Variants in SLC12A2 observed in about 807,000 individuals in gnomAD.
The protein encoded by SLC12A2 is solute carrier family 12 member 2.
SLC12A2 carries 67 observed loss-of-function variants against 136.3 expected under a neutral mutation model. That is an observed-to-expected ratio of 0.49 (90% CI 0.40 to 0.60). SLC12A2 has a LOEUF of 0.60. Among genes scored for constraint, SLC12A2 ranks in the 20% least tolerant of loss-of-function variants. The probability of loss-of-function intolerance (pLI) is 0.00; values close to 1 mark genes in which losing one functional copy is unlikely to be tolerated. For missense variants in SLC12A2, 1,322 were observed against 1,534.7 expected (o/e 0.86, Z 2.32); for synonymous variants, 619 against 562.9 (o/e 1.10, Z -1.41).
intron 1 of SLC12A2, among the ~76,000 whole-genome samples, chr5:128,088,457 A>G (rs902455996): frequency 6.6e-6 from 1 of 152,230 alleles, no homozygotes; most frequent in African/African-American, 2.4e-5. Context: ...TGTATGATGG[A>G]ATGCTAGATT....
At chr5:128,153,736 A>G (rs1581117605) in intron 15 of SLC12A2, among the ~76,000 whole-genome samples, 1 of 152,162 alleles carries the variant, frequency 6.6e-6, no homozygotes, top group East Asian at 1.9e-4. Flanking sequence ...AACGTAGATA[A>G]ATGTCAAAAG....
intron 4 of SLC12A2, among the ~76,000 whole-genome samples, chr5:128,128,022 T>C (rs1761882744): frequency 6.6e-6 from 1 of 152,198 alleles, no homozygotes; most frequent in African/African-American, 2.4e-5. Context: ...ATCTCACTAA[T>C]TTTATGCTTC....
At chr5:128,125,973 A>G (rs1042553251) in intron 4 of SLC12A2, among the ~76,000 whole-genome samples, 15 of 152,270 alleles carry the variant, frequency 9.9e-5, no homozygotes, top group African/African-American at 3.1e-4. Flanking sequence ...TTGAAAAATC[A>G]GTTGTCTATC....
intron 7 of SLC12A2, among the ~76,000 whole-genome samples, chr5:128,136,546 C>T (rs1476956679): frequency 6.6e-6 from 1 of 152,136 alleles, no homozygotes; most frequent in Non-Finnish European, 1.5e-5. Context: ...TAACCCCTCT[C>T]ACATCTGGCT....
rs1014170798 is a variant in SLC12A2, at chr5:128,104,654, TATATATAG to T, written c.757-8138_757-8131del. On this transcript the variant is annotated intron_variant, in intron 1 of 26. Transcript: ENST00000262461. Reference sequence around the variant, plus strand: ...CTCAAAAAAAAGAAAAAAAAATATATATATATAGATATATAGATATATAGATATAGATA... The same window carrying T: ...CTCAAAAAAAAGAAAAAAAAATATATATATATAGATATATAGATATAGATA... 1.6e-3 allele frequency among the ~76,000 whole-genome samples: 216 copies of T among 135,962 alleles called. 1 individual carries two copies. Among genetic ancestry groups the T allele is most frequent in the South Asian group, 5.1e-3 (23 of 4,546 alleles). The allele number at this position is 135,962 out of a possible 152,430, so 89.2% of individuals were successfully genotyped here.
intron 1 of SLC12A2, among the ~76,000 whole-genome samples, chr5:128,108,060 G>T (rs959355254): frequency 2.0e-5 from 3 of 151,850 alleles, no homozygotes; most frequent in Non-Finnish European, 2.9e-5. Context: ...TCATATGTTT[G>T]TTGGCTGGTT....
At chr5:128,143,432 A>C (rs950676714) in intron 10 of SLC12A2, among the ~76,000 whole-genome samples, 1 of 152,180 alleles carries the variant, frequency 6.6e-6, no homozygotes, top group African/African-American at 2.4e-5. Context: ...AAAACATACA[A>C]ACTAGACAGG....
chr5:128,176,234 A>C (rs1008195578), intron 20 of SLC12A2, among the ~76,000 whole-genome samples: 4 of 152,054 alleles, frequency 2.6e-5, no homozygotes, highest in African/African-American at 9.7e-5. Flanking sequence ...CAAGCTTAAG[A>C]GGTAGGTACT....
rs953577176 is a variant in SLC12A2 at position 128,188,232 on chromosome 5, G to C, written c.*1601G>C. The C allele has an allele frequency of 2.0e-5, 3 of 150,070 alleles. No homozygotes were observed. Among genetic ancestry groups the C allele is most frequent in the Non-Finnish European group, 4.4e-5 (3 of 67,530 alleles). 9.3% of individuals were successfully genotyped at this position (150,070 alleles called of 1,614,324 possible). ...AATACTTCGCCTAAAATACTGTTAAGTGGGTTAATTGATACAAGTTTCTGT... is the reference window on the plus strand; with the variant it reads ...AATACTTCGCCTAAAATACTGTTAACTGGGTTAATTGATACAAGTTTCTGT... On this transcript the variant is annotated 3_prime_UTR_variant, in exon 27 of 27. Coordinates refer to ENST00000262461, the MANE Select transcript of SLC12A2 (RefSeq NM_001046.3).
At chr5:128,090,642 C>G (rs2126639624) in intron 1 of SLC12A2, among the ~76,000 whole-genome samples, 1 of 152,256 alleles carries the variant, frequency 6.6e-6, no homozygotes, top group South Asian at 2.1e-4. Context: ...TTAAAGGTGG[C>G]TAGATGATGG....
chr5:128,153,163 T>C (rs10478803), intron 15 of SLC12A2, among the ~76,000 whole-genome samples: 53,785 of 152,116 alleles, frequency 0.35, 12,250 homozygotes, highest in African/African-American at 0.65. Context: ...GTGTCTTAAT[T>C]AGTGATTAAC....
At chr5:128,171,644 A>AT in intron 18 of SLC12A2, 23 bp from the exon 19 acceptor site, 1 of 1,522,594 alleles carries the variant, frequency 6.6e-7, no homozygotes. Flanking sequence ...TGGTTTTTTC[A>AT]TTTTTTGTTT....
intron 4 of SLC12A2, among the ~76,000 whole-genome samples, chr5:128,121,229 G>A (rs1193117147): frequency 2.0e-5 from 3 of 152,256 alleles, no homozygotes; most frequent in African/African-American, 7.2e-5. Flanking sequence ...AACATGCAAG[G>A]TTTCTGAAAA....
chr5:128,149,022 G>C, intron 12 of SLC12A2, 145 bp downstream of exon 12: 1 of 688,578 alleles, frequency 1.5e-6, no homozygotes. Context: ...GTAAGTAATA[G>C]CATGAGTACA....
intron 24 of SLC12A2, among the ~76,000 whole-genome samples, chr5:128,183,888 T>G (rs1763785506): frequency 1.3e-5 from 2 of 152,124 alleles, no homozygotes; most frequent in South Asian, 2.1e-4. Context: ...GAGATCAGCT[T>G]TAGCAGTTAA....
At chr5:128,148,253 C>T (rs974105597) in intron 11 of SLC12A2, among the ~76,000 whole-genome samples, 1 of 151,506 alleles carries the variant, frequency 6.6e-6, no homozygotes, top group Non-Finnish European at 1.5e-5. Flanking sequence ...ATTGGTAAAT[C>T]AAATAAATGA....
chr5:128,170,079 A>G (rs1763323370), intron 18 of SLC12A2: 1 of 152,178 alleles, frequency 6.6e-6, no homozygotes, highest in Non-Finnish European at 1.5e-5. Flanking sequence ...ACCTTGTGCA[A>G]TTTAAGTATG....
rs1413198037 is a variant in SLC12A2 at position 128,096,195 on chromosome 5, T to C, written c.756+11485T>C. 2.0e-5 allele frequency among the ~76,000 whole-genome samples: 3 copies of C among 152,076 alleles called. No homozygotes were observed. The East Asian group carries it at 5.8e-4, about 29-fold the overall frequency. On this transcript the variant is annotated intron_variant, in intron 1 of 26. Coordinates refer to ENST00000262461, the MANE Select transcript of SLC12A2 (RefSeq NM_001046.3). ...TAGGTATTAATACCTAATTATTTAG[T>C]AGCAGACACTGGATATTAGGAAAGA...
chr5:128,185,649 T>C (rs564477857), intron 26 of SLC12A2, among the ~76,000 whole-genome samples: 1 of 152,260 alleles, frequency 6.6e-6, no homozygotes, highest in South Asian at 2.1e-4. Context: ...CATCCATAAA[T>C]AGAAATTAAA....
Sources: gnomAD v4.1 joint callset for allele counts (sites outside exome capture counted in the v4.1 genomes callset) on GRCh38, gnomAD v4.1.1 for gene constraint, MANE v1.5 for transcripts, NCBI Gene and HGNC (gene_info 2026-07-23, HGNC 2026-07-21) for gene names.